Variants in CEPT1 observed in about 807,000 individuals in gnomAD.
CEPT1 encodes the protein choline/ethanolaminephosphotransferase 1.
A neutral mutation model predicts 42.6 loss-of-function variants in CEPT1; 7 were observed. The observed-to-expected ratio is 0.16, with a 90% CI of 0.09 to 0.31. CEPT1 has a LOEUF of 0.31. Ranked by LOEUF, CEPT1 falls within the 10% of genes least tolerant of loss-of-function variation. The probability of loss-of-function intolerance (pLI) is 1.00; values close to 1 mark genes in which losing one functional copy is unlikely to be tolerated. For missense variants in CEPT1, 306 were observed against 502.1 expected (o/e 0.61, Z 3.73); for synonymous variants, 171 against 171.9 (o/e 0.99, Z 0.04).
intron 1 of CEPT1, chr1:111,143,397 T>G (rs1467311634): frequency 6.6e-6 from 1 of 152,270 alleles, no homozygotes; most frequent in Non-Finnish European, 1.5e-5. Context: ...GCTTAGCACT[T>G]TGTTTTCCTC....
chr1:111,165,376 T>C (rs1007777893), intron 4 of CEPT1, among the ~76,000 whole-genome samples: 3 of 151,696 alleles, frequency 2.0e-5, no homozygotes, highest in African/African-American at 7.3e-5. Context: ...AAAAAAAAAA[T>C]CTATGCTGTA....
At chr1:111,152,498 A>G (rs1005862153) in intron 2 of CEPT1, among the ~76,000 whole-genome samples, 1 of 152,198 alleles carries the variant, frequency 6.6e-6, no homozygotes. Flanking sequence ...CCTAAATTTT[A>G]TTGAGTAGAA....
At chr1:111,153,206 A>G (rs1028240636) in intron 2 of CEPT1, among the ~76,000 whole-genome samples, 3 of 151,808 alleles carry the variant, frequency 2.0e-5, no homozygotes, top group Non-Finnish European at 2.9e-5. Context: ...GCTCCTGCAT[A>G]TGAGTAAGAA....
chr1:111,172,685 C>T (rs1656480774), intron 4 of CEPT1, among the ~76,000 whole-genome samples: 1 of 152,170 alleles, frequency 6.6e-6, no homozygotes, highest in Non-Finnish European at 1.5e-5. Context: ...ACTGCATGCA[C>T]CCTTTTTCAT....
chr1:111,182,183 A>G lies in CEPT1; in HGVS notation c.715-4A>G. 6.3e-7 allele frequency: 1 copy of G among 1,591,058 alleles called. No homozygotes were observed. The highest frequency in any genetic ancestry group is 2.3e-5 in the East Asian group (1 of 44,394). ...TAATTGTTTTCTCTCTCTACCCATT[A>G]AAGATTCCAGTGCTGAATATTCAAA... On this transcript the variant is annotated splice_region_variant and splice_polypyrimidine_tract_variant and intron_variant, in intron 5 of 8. Transcript: ENST00000357172.
chr1:111,144,667 A>C (rs903369921), intron 1 of CEPT1, among the ~76,000 whole-genome samples: 1 of 152,234 alleles, frequency 6.6e-6, no homozygotes, highest in African/African-American at 2.4e-5. Context: ...GCTAGCACTC[A>C]TCTTTTTTTC....
intron 1 of CEPT1, among the ~76,000 whole-genome samples, chr1:111,142,470 A>G (rs981989776): frequency 2.6e-5 from 4 of 152,122 alleles, no homozygotes; most frequent in Non-Finnish European, 4.4e-5. Flanking sequence ...CTAGACGAAT[A>G]ATATTTGTTA....
chr1:111,151,246 C>G (rs1655259527), intron 2 of CEPT1, among the ~76,000 whole-genome samples: 1 of 152,106 alleles, frequency 6.6e-6, no homozygotes. Flanking sequence ...CTGCCTCAGC[C>G]TCCCGAATAC....
intron 4 of CEPT1, among the ~76,000 whole-genome samples, chr1:111,169,854 CA>C (rs1656334237): frequency 6.6e-6 from 1 of 152,122 alleles, no homozygotes; most frequent in Non-Finnish European, 1.5e-5. Context: ...AGAGTTTTAG[CA>C]CTACAGAGGA....
At chr1:111,141,311 G>T (rs1654533295) in intron 1 of CEPT1, among the ~76,000 whole-genome samples, 1 of 152,132 alleles carries the variant, frequency 6.6e-6, no homozygotes, top group Admixed American at 6.5e-5. Flanking sequence ...TCGAGATTGA[G>T]GTTCTAAAAG....
rs555341351 is a variant in CEPT1, at chr1:111,147,912, C to T, written c.198C>T (p.Pro66=). The stretch of plus-strand genomic sequence containing the variant: ...GTGCTGGACGGTCCCTGCTTGAGCC[C>T]TTAATGCAAGGGTATTGGGAATGGC... ...YQSAGRSLLE[P]LMQGYWEWLV... is the part of the protein sequence containing the mutation. Residue 66 remains proline, a synonymous_variant, in exon 2 of 9, where the codon CCC becomes CCT. Coordinates refer to ENST00000357172, the MANE Select transcript of CEPT1 (RefSeq NM_006090.5). The T allele has an allele frequency of 5.0e-6, 8 of 1,614,050 alleles. No individual in the cohort carries two copies. In the Admixed American group the frequency reaches 6.7e-5, roughly 13 times the overall value.
At chr1:111,170,754 A>G (rs1174417877) in intron 4 of CEPT1, among the ~76,000 whole-genome samples, 5 of 152,174 alleles carry the variant, frequency 3.3e-5, no homozygotes, top group Non-Finnish European at 7.4e-5. Context: ...CTAATCCTTG[A>G]GTAAGAATCT....
intron 1 of CEPT1, among the ~76,000 whole-genome samples, chr1:111,147,357 T>C (rs548425769): frequency 1.3e-5 from 2 of 152,252 alleles, no homozygotes; most frequent in South Asian, 4.1e-4. Context: ...CTGAAAGCAG[T>C]GTGGGATGGA....
At chr1:111,165,290 C>T (rs612161) in intron 4 of CEPT1, among the ~76,000 whole-genome samples, 101,973 of 149,752 alleles carry the variant, frequency 0.68, 35,184 homozygotes, top group African/African-American at 0.82. Flanking sequence ...CCTCGTGATC[C>T]GCCCGCCTTG....
At chr1:111,169,482 C>G (rs1236501839) in intron 4 of CEPT1, among the ~76,000 whole-genome samples, 1 of 152,102 alleles carries the variant, frequency 6.6e-6, no homozygotes, top group Non-Finnish European at 1.5e-5. Flanking sequence ...TCTATGATAA[C>G]AAAGTACCCT....
chr1:111,151,061 C>G (rs1655242271), intron 2 of CEPT1, among the ~76,000 whole-genome samples: 1 of 151,700 alleles, frequency 6.6e-6, no homozygotes, highest in Non-Finnish European at 1.5e-5. Flanking sequence ...GCCTGTGACA[C>G]AGCCCTCAGG....
chr1:111,156,502 C>A (rs972269124), intron 2 of CEPT1, among the ~76,000 whole-genome samples: 1 of 152,006 alleles, frequency 6.6e-6, no homozygotes, highest in Non-Finnish European at 1.5e-5. Flanking sequence ...TTTTGGCTTC[C>A]CTGAACCATG....
At chr1:111,172,017 C>T (rs1242209103) in intron 4 of CEPT1, among the ~76,000 whole-genome samples, 3 of 152,218 alleles carry the variant, frequency 2.0e-5, no homozygotes, top group Non-Finnish European at 4.4e-5. Context: ...GGATTACAGG[C>T]GTGAGCCACC....
At chr1:111,156,091 G>T (rs1655554680) in intron 2 of CEPT1, among the ~76,000 whole-genome samples, 1 of 151,738 alleles carries the variant, frequency 6.6e-6, no homozygotes. Flanking sequence ...GTAGGTTTTG[G>T]TATTTTGTGC....
Sources: allele counts gnomAD v4.1 joint callset (sites outside exome capture counted in the v4.1 genomes callset), GRCh38; gene constraint gnomAD v4.1.1; transcripts MANE v1.5; gene names NCBI Gene and HGNC (gene_info 2026-07-23, HGNC 2026-07-21).